The following TNRC6C variants were observed in gnomAD, a reference collection of about 807,000 sequenced individuals.
The protein encoded by TNRC6C is trinucleotide repeat-containing gene 6C protein.
Under a neutral mutation model 153.7 loss-of-function variants are expected in TNRC6C, and 20 were observed. The ratio of observed to expected loss-of-function variants is 0.13; its 90% confidence interval spans 0.09 to 0.19. TNRC6C has a LOEUF of 0.19. TNRC6C is among the 10% of genes least tolerant of loss of function. The pLI, the probability that TNRC6C is intolerant of heterozygous loss-of-function variation, is 1.00. For synonymous variants in TNRC6C, 811 were observed against 841.4 expected, an observed-to-expected ratio of 0.96 and a Z score of 0.63; for missense variants, 1,987 against 2,172.0, an observed-to-expected ratio of 0.91 and a Z score of 1.69.
intron 1 of TNRC6C, among the ~76,000 whole-genome samples, chr17:78,007,690 G>C (rs542017376): frequency 1.3e-5 from 2 of 152,348 alleles, no homozygotes; most frequent in Admixed American, 6.5e-5. Context: ...AAAGTGTTTA[G>C]CAATTTGAGA....
chr17:78,009,368 G>GT (rs952459844), intron 1 of TNRC6C, among the ~76,000 whole-genome samples: 54 of 151,884 alleles, frequency 3.6e-4, no homozygotes, highest in African/African-American at 1.1e-3. Context: ...TTGAGTGAGG[G>GT]TTTTTTTAAT....
chr17:78,049,186 G>A lies in TNRC6C; in HGVS notation c.124G>A (p.Ala42Thr), dbSNP rs1228294943. 6.2e-7 allele frequency: 1 copy of A among 1,613,174 alleles called. No homozygotes were observed. The highest frequency in any genetic ancestry group is 2.2e-5 in the East Asian group (1 of 44,900). ...TCAGAGTGCCCTTGGAGCAGGGGGA[G>A]CGAACAGTAATGGAAGTGCGGCCAG... The change falls in exon 3 of 20, where the codon GCG (alanine) becomes ACG (threonine). Residue 42 changes from alanine (A) to threonine (T), a missense_variant. Ala to Thr is a moderately conservative substitution (Grantham distance 58). This residue lies in a region of TNRC6C where 1,052 missense variants were observed against 1,017.0 expected (regional missense o/e 1.03). Transcript: ENST00000301624. This position sits in a 1 kb window ranked among gnomAD's most constrained non-coding sequence, Gnocchi z 4.1.
At chr17:78,050,310 G>A (rs569253210) in exon 3 of TNRC6C, 92 of 1,571,322 alleles carry the variant, frequency 5.9e-5, no homozygotes, top group East Asian at 5.6e-4. Context: ...GGGAAGGAAC[G>A]GGAGAAGGCC....
At chr17:78,091,440 C>A in exon 14 of TNRC6C, 1 of 1,586,066 alleles carries the variant, frequency 6.3e-7, no homozygotes, top group South Asian at 1.1e-5. Context: ...CTCTCTTTAG[C>A]TGGACTGAAC....
intron 1 of TNRC6C, among the ~76,000 whole-genome samples, chr17:78,024,856 G>A (rs1460856755): frequency 6.6e-6 from 1 of 151,316 alleles, no homozygotes; most frequent in East Asian, 2.0e-4. Context: ...GTGCAATGGT[G>A]CGATCTCAGC....
chr17:78,016,611 C>T (rs2071733306), intron 1 of TNRC6C, among the ~76,000 whole-genome samples: 1 of 152,156 alleles, frequency 6.6e-6, no homozygotes, highest in Non-Finnish European at 1.5e-5. Flanking sequence ...AGATCTAATC[C>T]TCCATTCCTG....
intron 17 of TNRC6C, 73 bp downstream of exon 20, chr17:78,098,610 A>C (rs1598793956): frequency 6.7e-7 from 1 of 1,491,520 alleles, no homozygotes; most frequent in South Asian, 1.3e-5. Context: ...TTTGTCCTGT[A>C]CCTCCTTTGT....
intron 17 of TNRC6C, among the ~76,000 whole-genome samples, chr17:78,102,070 C>A (rs984860180): frequency 6.6e-6 from 1 of 152,200 alleles, no homozygotes; most frequent in Non-Finnish European, 1.5e-5. Context: ...TTAGCGGCAG[C>A]CTTCAGGGAT....
At chr17:77,995,014 A>G (rs920691615) in intron 1 of TNRC6C, among the ~76,000 whole-genome samples, 5 of 152,236 alleles carry the variant, frequency 3.3e-5, no homozygotes, top group African/African-American at 1.2e-4. Context: ...AGAGAGAGAA[A>G]CCATACAGTT....
At chr17:78,046,743 T>C (rs1459667870) in intron 2 of TNRC6C, among the ~76,000 whole-genome samples, 1 of 152,230 alleles carries the variant, frequency 6.6e-6, no homozygotes, top group South Asian at 2.1e-4. Context: ...CTTTACTTTA[T>C]CTGGCATGTA....
chr17:78,102,692 C>A, intron 18 of TNRC6C, 148 bp downstream of exon 21: 2 of 726,018 alleles, frequency 2.8e-6, no homozygotes, highest in South Asian at 2.0e-5. Flanking sequence ...AGGAGATGAG[C>A]AAGTGCCAGG....
chr17:78,098,343 G>A (rs1350605570), exon 17 of TNRC6C: 18 of 1,608,404 alleles, frequency 1.1e-5, no homozygotes, highest in Non-Finnish European at 1.4e-5. Context: ...GCCTTTCTAG[G>A]TAAACTGTCA....
intron 14 of TNRC6C, among the ~76,000 whole-genome samples, chr17:78,092,472 A>AAT (rs2073410762): frequency 6.6e-6 from 1 of 152,236 alleles, no homozygotes; most frequent in Non-Finnish European, 1.5e-5. Context: ...AAAAAGATTT[A>AAT]TTAAGGGCAG....
exon 20 of TNRC6C, chr17:78,106,884 C>T (rs59545630): frequency 1.3e-5 from 1 of 75,730 alleles, no homozygotes; most frequent in African/African-American, 4.4e-5. Flanking sequence ...AAAAAAAATA[C>T]AAAAAAAAAA....
At chr17:78,093,893 C>T (rs2073436414) in intron 16 of TNRC6C, 130 bp downstream of exon 18, 3 of 1,054,328 alleles carry the variant, frequency 2.8e-6, no homozygotes, top group Admixed American at 2.9e-5. Context: ...CTTTTCTAGT[C>T]ACCTGAAGCA....
intron 1 of TNRC6C, among the ~76,000 whole-genome samples, chr17:77,966,933 TAAATA>T (rs2070901389): frequency 6.6e-6 from 1 of 152,202 alleles, no homozygotes; most frequent in African/African-American, 2.4e-5. Context: ...AATCATTACA[TAAATA>T]GAATAGCAGC....
At chr17:78,006,828 ATTTTTTTT>A (rs113977025) in intron 1 of TNRC6C, among the ~76,000 whole-genome samples, 1 of 143,834 alleles carries the variant, frequency 7.0e-6, no homozygotes, top group African/African-American at 2.6e-5. Flanking sequence ...TTATTTATTT[ATTTTTTTT>A]TTTTTTGAGA....
exon 20 of TNRC6C, chr17:78,107,673 A>C (rs763563020): frequency 1.3e-5 from 2 of 152,136 alleles, no homozygotes; most frequent in Non-Finnish European, 2.9e-5. Context: ...AATCTTAATC[A>C]TCATCGAGAG....
At chr17:78,042,761 A>C (rs931516885) in intron 2 of TNRC6C, among the ~76,000 whole-genome samples, 2 of 151,682 alleles carry the variant, frequency 1.3e-5, no homozygotes, top group Non-Finnish European at 2.9e-5. Context: ...GCTGGTGGTG[A>C]TCATGGTGGT....
Sources: allele counts gnomAD v4.1 joint callset (sites outside exome capture counted in the v4.1 genomes callset), GRCh38; gene constraint gnomAD v4.1.1; regional missense constraint gnomAD v4.1.1; non-coding constraint Gnocchi (gnomAD v3.1); transcripts MANE v1.5; gene names NCBI Gene and HGNC (gene_info 2026-07-23, HGNC 2026-07-21).